THSD7A: variants seen among roughly 807,000 people sequenced by gnomAD.
THSD7A encodes the protein thrombospondin type-1 domain-containing protein 7A.
A neutral mutation model predicts 231.3 loss-of-function variants in THSD7A; 96 were observed. The ratio of observed to expected loss-of-function variants is 0.41; its 90% CI spans 0.35 to 0.49. The LOEUF (loss-of-function observed/expected upper bound fraction) is 0.49. THSD7A is among the 20% of genes least tolerant of loss of function. THSD7A has a pLI of 0.05. For synonymous variants in THSD7A, 940 were observed against 743.3 expected (o/e 1.26, Z -4.30); for missense variants, 2,290 against 2,070.2 (o/e 1.11, Z -2.06).
intron 1 of THSD7A, among the ~76,000 whole-genome samples, chr7:11,775,721 G>A (rs149384621): frequency 6.6e-6 from 1 of 152,134 alleles, no homozygotes; most frequent in Non-Finnish European, 1.5e-5. Context: ...AACTGGTACA[G>A]TTTCAGTTTT....
chr7:11,603,124 C>G (rs530929944), intron 2 of THSD7A, among the ~76,000 whole-genome samples: 1 of 149,156 alleles, frequency 6.7e-6, no homozygotes, highest in African/African-American at 2.4e-5. Flanking sequence ...TCGCAACCTA[C>G]TCATCTGACA....
chr7:11,516,413 C>T (rs1422756667), intron 6 of THSD7A, among the ~76,000 whole-genome samples: 2 of 152,182 alleles, frequency 1.3e-5, no homozygotes, highest in Admixed American at 6.5e-5. Flanking sequence ...TGACCTACTA[C>T]TGATCAGCTA....
At chr7:11,764,824 A>G (rs1782983071) in intron 1 of THSD7A, among the ~76,000 whole-genome samples, 2 of 152,090 alleles carry the variant, frequency 1.3e-5, no homozygotes, top group Non-Finnish European at 2.9e-5. Context: ...TTTGAATAAA[A>G]CAATATTTTA....
At chr7:11,764,096 T>C (rs976183552) in intron 1 of THSD7A, among the ~76,000 whole-genome samples, 3 of 152,160 alleles carry the variant, frequency 2.0e-5, no homozygotes, top group African/African-American at 4.8e-5. Flanking sequence ...TAATTACCAA[T>C]GTATTGTTCT....
intron 4 of THSD7A, among the ~76,000 whole-genome samples, chr7:11,556,804 A>T (rs2128327980): frequency 6.6e-6 from 1 of 151,990 alleles, no homozygotes; most frequent in East Asian, 1.9e-4. Flanking sequence ...CTTTATTCTG[A>T]CCTATATGGT....
chr7:11,574,710 A>C (rs1020755110), intron 4 of THSD7A, among the ~76,000 whole-genome samples: 1 of 151,920 alleles, frequency 6.6e-6, no homozygotes, highest in Non-Finnish European at 1.5e-5. Flanking sequence ...TGCTGGGATT[A>C]CAGGCGTGAG....
chr7:11,607,953 A>G (rs1056828476), intron 2 of THSD7A, among the ~76,000 whole-genome samples: 4 of 152,162 alleles, frequency 2.6e-5, no homozygotes, highest in African/African-American at 7.2e-5. Context: ...AGCATGGCAC[A>G]TATTTAGTAA....
At chr7:11,691,575 C>G (rs912735523) in intron 1 of THSD7A, among the ~76,000 whole-genome samples, 1 of 151,338 alleles carries the variant, frequency 6.6e-6, no homozygotes. Context: ...AATTATAATT[C>G]TCTATCTTAT....
At chr7:11,684,689 C>G (rs1160109102) in intron 1 of THSD7A, among the ~76,000 whole-genome samples, 1 of 151,954 alleles carries the variant, frequency 6.6e-6, no homozygotes, top group Non-Finnish European at 1.5e-5. Context: ...TGAAAGATCT[C>G]TACAAGGGGG....
chr7:11,747,441 T>C (rs931611888), intron 1 of THSD7A, among the ~76,000 whole-genome samples: 1 of 151,902 alleles, frequency 6.6e-6, no homozygotes, highest in African/African-American at 2.4e-5. Context: ...TACAGAAAAA[T>C]TCAATCAAAT....
Position 11,802,442 on chromosome 7 carries a change from T to A in THSD7A, c.190+29315A>T, listed in dbSNP as rs574461860. On this transcript the variant is annotated intron_variant, in intron 1 of 27. Coordinates refer to ENST00000423059, the MANE Select transcript of THSD7A (RefSeq NM_015204.3). ...GACTGCAGACCTGAGATTTTGAATG[T>A]GTGATCACTAAACTGTAGGGAAGCC... 7.9e-5 allele frequency among the ~76,000 whole-genome samples: 12 copies of A among 152,278 alleles called. No homozygotes were observed. In the East Asian group the frequency reaches 2.3e-3, roughly 29 times the overall value.
chr7:11,375,954 A>G, intron 27 of THSD7A, 76 bp from the exon 28 acceptor site: 1 of 1,392,050 alleles, frequency 7.2e-7, no homozygotes, highest in East Asian at 2.3e-5. Flanking sequence ...GCGAAAAAAA[A>G]GTAAAAGCAA....
intron 1 of THSD7A, among the ~76,000 whole-genome samples, chr7:11,651,072 C>G (rs1782482197): frequency 6.6e-6 from 1 of 151,738 alleles, no homozygotes; most frequent in South Asian, 2.1e-4. Context: ...TAATAATAGA[C>G]AAAAATGTGA....
intron 1 of THSD7A, among the ~76,000 whole-genome samples, chr7:11,682,319 A>G (rs1176804059): frequency 1.3e-5 from 2 of 152,124 alleles, no homozygotes; most frequent in African/African-American, 4.8e-5. Flanking sequence ...GGCAAATTGT[A>G]TTTTTAAAAA....
chr7:11,752,206 G>T (rs10499404), intron 1 of THSD7A, among the ~76,000 whole-genome samples: 16,022 of 151,998 alleles, frequency 0.11, 1,421 homozygotes, highest in African/African-American at 0.23. Context: ...TGTTTTCAAG[G>T]CTCCTTATCA....
At chr7:11,617,796 T>C (rs1781158785) in intron 2 of THSD7A, among the ~76,000 whole-genome samples, 1 of 151,928 alleles carries the variant, frequency 6.6e-6, no homozygotes, top group Admixed American at 6.6e-5. Context: ...ATGAGAACAC[T>C]TGGACACAGG....
In THSD7A at chr7:11,761,908, C is replaced by T. The variant is rs1782875674; in HGVS notation, c.190+69849G>A. ...CTCTTCAACACTTGCCTGCCTCCCTCCTTCCCCCCTTTTGGAGTACTCACT... is the reference window on the plus strand; with the variant it reads ...CTCTTCAACACTTGCCTGCCTCCCTTCTTCCCCCCTTTTGGAGTACTCACT... On this transcript the variant is annotated intron_variant, in intron 1 of 27. Transcript: ENST00000423059. Among the ~76,000 whole-genome samples, 4 of 152,058 alleles carry T rather than the reference C, an allele frequency of 2.6e-5. No homozygotes were observed. In the South Asian group the frequency reaches 8.3e-4, roughly 31 times the overall value.
intron 1 of THSD7A, among the ~76,000 whole-genome samples, chr7:11,776,582 G>T (rs1158824123): frequency 1.3e-5 from 2 of 152,016 alleles, no homozygotes; most frequent in African/African-American, 4.8e-5. Context: ...GTTTGTCTTT[G>T]GGGATTCTTC....
chr7:11,413,356 G>A (rs928017267), intron 17 of THSD7A, among the ~76,000 whole-genome samples: 2 of 151,800 alleles, frequency 1.3e-5, no homozygotes, highest in African/African-American at 4.8e-5. Context: ...TGGCCATAGG[G>A]ACCACAGAGA....
Sources: allele counts gnomAD v4.1 joint callset (sites outside exome capture counted in the v4.1 genomes callset), GRCh38; gene constraint gnomAD v4.1.1; transcripts MANE v1.5; gene names NCBI Gene and HGNC (gene_info 2026-07-23, HGNC 2026-07-21).